DDX60: variants seen among roughly 807,000 people sequenced by gnomAD.
The protein encoded by DDX60 is DExD/H-box helicase 60.
In DDX60, 165 loss-of-function variants were observed where a neutral mutation model predicts 212.8. The observed-to-expected ratio is 0.78, with a 90% CI of 0.68 to 0.88. The LOEUF is 0.88. Among genes scored for constraint, DDX60 ranks in the 40% least tolerant of loss-of-function variants. The probability of loss-of-function intolerance (pLI) is 0.00; values close to 1 mark genes in which losing one functional copy is unlikely to be tolerated. For missense variants in DDX60, 1,905 were observed against 2,003.9 expected (o/e 0.95, Z 0.94); for synonymous variants, 703 against 685.3 (o/e 1.03, Z -0.40).
chr4:168,267,412 A>C (rs1380466402), intron 22 of DDX60, among the ~76,000 whole-genome samples, 170 bp downstream of exon 22: 1 of 152,198 alleles, frequency 6.6e-6, no homozygotes, highest in Non-Finnish European at 1.5e-5. Context: ...ACCAATGAGA[A>C]TTAGAAAGAA....
chr4:168,305,278 T>C (rs937833469), intron 5 of DDX60, among the ~76,000 whole-genome samples: 1 of 152,246 alleles, frequency 6.6e-6, no homozygotes, highest in Non-Finnish European at 1.5e-5. Context: ...AATGTATCCA[T>C]GTGATGCATG....
At chr4:168,320,604 G>T (rs1376061514), upstream of DDX60, among the ~76,000 whole-genome samples, 1 of 152,116 alleles carries the variant, frequency 6.6e-6, no homozygotes, top group Non-Finnish European at 1.5e-5. Context: ...GTGGTAATTT[G>T]TTACAGCAGC....
At chr4:168,268,128 A>G (rs1433184635) in intron 20 of DDX60, 145 bp from the exon 21 acceptor site, 1 of 588,420 alleles carries the variant, frequency 1.7e-6, no homozygotes, top group Non-Finnish European at 2.8e-6. Context: ...CTGAAATTAA[A>G]TCCCAACCTT....
Position 168,285,285 on chromosome 4 carries a change from C to T in DDX60, c.1445+108G>A, listed in dbSNP as rs866971003. The T allele has an allele frequency of 2.6e-4, 185 of 711,434 alleles. 3 individuals are homozygous for T. In the South Asian group the frequency reaches 3.2e-3, roughly 12 times the overall value. The allele number at this position is 711,434 out of a possible 1,614,324, so 44.1% of individuals were successfully genotyped here. A position where few individuals can be genotyped will look rare whatever the true frequency, so the allele number is the denominator to read the frequency against. On this transcript the variant is annotated intron_variant, in intron 11 of 37. Coordinates refer to ENST00000393743, the MANE Select transcript of DDX60 (RefSeq NM_017631.6). The stretch of plus-strand genomic sequence containing the variant: ...TTAAATTCATTATGTATTACAAACA[C>T]ATACTACATGTAATGTACTCTAATC...
chr4:168,257,776 G>T (rs921556189), intron 25 of DDX60, among the ~76,000 whole-genome samples: 2 of 152,118 alleles, frequency 1.3e-5, no homozygotes, highest in African/African-American at 4.8e-5. Context: ...TTAGAAATGA[G>T]AATTATAACC....
intron 7 of DDX60, among the ~76,000 whole-genome samples, chr4:168,293,561 A>C (rs1736203888): frequency 6.6e-6 from 1 of 152,240 alleles, no homozygotes; most frequent in African/African-American, 2.4e-5. Flanking sequence ...TGGATGATTT[A>C]GACTAAATAT....
At position 168,274,165 on chromosome 4, in the gene DDX60, T is replaced by A. The variant is rs541404756; in HGVS notation, c.2305-82A>T. 1.2e-5 allele frequency: 18 copies of A among 1,537,490 alleles called. No homozygotes were observed. The South Asian group carries it at 2.2e-4, about 19-fold the overall frequency. On this transcript the variant is annotated intron_variant, in intron 16 of 37. Transcript: ENST00000393743. Reference sequence around the variant, plus strand: ...AAAGACAGTATTTATAGACTTCCAATACGATTTTCTGAACCTCAAAGGATC... The same window carrying A: ...AAAGACAGTATTTATAGACTTCCAAAACGATTTTCTGAACCTCAAAGGATC...
At chr4:168,316,414 T>A (rs1309527479) in intron 1 of DDX60, among the ~76,000 whole-genome samples, 1 of 152,028 alleles carries the variant, frequency 6.6e-6, no homozygotes, top group African/African-American at 2.4e-5. Context: ...ATAATATAAT[T>A]AACCAACTTG....
At chr4:168,297,342 GA>G (rs1240688762) in intron 6 of DDX60, among the ~76,000 whole-genome samples, 1 of 85,436 alleles carries the variant, frequency 1.2e-5, no homozygotes, top group East Asian at 2.8e-4. Context: ...AAGAAAGAAA[GA>G]AAGAAAGAAA....
intron 35 of DDX60, among the ~76,000 whole-genome samples, chr4:168,222,241 T>C (rs939414942): frequency 6.6e-6 from 1 of 152,288 alleles, no homozygotes; most frequent in South Asian, 2.1e-4. Context: ...TAGAGGATTA[T>C]ACATCACAAG....
At chr4:168,282,114 A>G (rs1035803958) in intron 13 of DDX60, among the ~76,000 whole-genome samples, 4 of 152,206 alleles carry the variant, frequency 2.6e-5, no homozygotes, top group Admixed American at 2.6e-4. Context: ...GGCTATAAAA[A>G]TGAAAAGGAG....
chr4:168,293,276 C>T (rs1736186856), intron 7 of DDX60, among the ~76,000 whole-genome samples: 1 of 152,144 alleles, frequency 6.6e-6, no homozygotes, highest in African/African-American at 2.4e-5. Context: ...GACACTACAG[C>T]AGGAAGGTTC....
chr4:168,247,919 A>G (rs1734079055), intron 29 of DDX60, among the ~76,000 whole-genome samples: 1 of 152,200 alleles, frequency 6.6e-6, no homozygotes, highest in Non-Finnish European at 1.5e-5. Context: ...GCCGTGGGAG[A>G]GTAATTATTA....
At chr4:168,223,103 GA>G (rs1733121001) in intron 35 of DDX60, among the ~76,000 whole-genome samples, 1 of 151,858 alleles carries the variant, frequency 6.6e-6, no homozygotes, top group Non-Finnish European at 1.5e-5. Context: ...TTTTTAAAAA[GA>G]AAAGTGAAAA....
chr4:168,233,283 C>G (rs899040014), intron 33 of DDX60, among the ~76,000 whole-genome samples: 4 of 151,800 alleles, frequency 2.6e-5, no homozygotes, highest in African/African-American at 9.7e-5. Context: ...GTACAACCAC[C>G]AGGGAAAACA....
At chr4:168,252,776 C>T in intron 26 of DDX60, 120 bp from the exon 27 acceptor site, 1 of 630,220 alleles carries the variant, frequency 1.6e-6, no homozygotes, top group South Asian at 2.4e-5. Context: ...ACCCAGACTT[C>T]CACGGCTGTG....
At chr4:168,237,129 T>C (rs1011047187) in intron 32 of DDX60, among the ~76,000 whole-genome samples, 157 bp downstream of exon 32, 3 of 151,876 alleles carry the variant, frequency 2.0e-5, no homozygotes, top group African/African-American at 7.2e-5. Context: ...TAATATATAT[T>C]AGTAGGTATT....
At position 168,250,633 on chromosome 4, in the gene DDX60, C is replaced by T. The variant is rs1355491765; in HGVS notation, c.3858+321G>A. Among the ~76,000 whole-genome samples the T allele has an allele frequency of 6.0e-5, 9 of 150,450 alleles. 1 individual carries two copies. Among genetic ancestry groups the T allele is most frequent in the East Asian group, 5.9e-4 (3 of 5,066 alleles). On this transcript the variant is annotated intron_variant, in intron 28 of 37. Transcript: ENST00000393743. ...CTCCACCTCCCGGGTTCAAGCGATT[C>T]TTCTGCCTCAACTTCCTGAATAGCT...
At chr4:168,250,836 T>A in intron 28 of DDX60, 118 bp downstream of exon 28, 1 of 895,340 alleles carries the variant, frequency 1.1e-6, no homozygotes, top group Non-Finnish European at 1.7e-6. Context: ...ACTTATTTTT[T>A]TAAAAGACAA....
Sources: allele counts gnomAD v4.1 joint callset (sites outside exome capture counted in the v4.1 genomes callset), GRCh38; gene constraint gnomAD v4.1.1; transcripts MANE v1.5; gene names NCBI Gene and HGNC (gene_info 2026-07-23, HGNC 2026-07-21).